ACP1: variants seen among roughly 807,000 people sequenced by gnomAD.
ACP1 encodes low molecular weight phosphotyrosine protein phosphatase.
ACP1 carries 23 observed loss-of-function variants against 23.4 expected under a neutral mutation model. The ratio of observed to expected loss-of-function variants is 0.98; its 90% CI spans 0.71 to 1.39. ACP1 has a LOEUF of 1.39. ACP1 is among the 40% of genes most tolerant of loss of function. The probability of loss-of-function intolerance (pLI) is 0.00; values close to 1 mark genes in which losing one functional copy is unlikely to be tolerated. For missense variants in ACP1, 180 were observed against 197.7 expected, an observed-to-expected ratio of 0.91 and a Z score of 0.54; for synonymous variants, 72 against 67.2, an observed-to-expected ratio of 1.07 and a Z score of -0.35.
chr2:267,314 C>T (rs941920763), intron 1 of ACP1, among the ~76,000 whole-genome samples: 2 of 152,234 alleles, frequency 1.3e-5, no homozygotes, highest in Non-Finnish European at 2.9e-5. Flanking sequence ...CCCAGCCTCT[C>T]TGGAGCTCAC....
Position 265,104 on chromosome 2 carries a change from G to A in ACP1, c.43+97G>A, listed in dbSNP as rs7588515. On this transcript the variant is annotated intron_variant, in intron 1 of 5. Transcript: ENST00000272065. ...TGTGCCGCCGGCCTAGGAACCATGA[G>A]GGGGAGGAGGCCAGGGACTGGGAGG... The A allele has an allele frequency of 8.5e-4, 1,258 of 1,484,124 alleles. 9 individuals are homozygous for A. The African/African-American group carries it at 0.015, about 18-fold the overall frequency. 91.9% of individuals were successfully genotyped at this position (1,484,124 alleles called of 1,614,324 possible). A position where few individuals can be genotyped will look rare whatever the true frequency, so the allele number is the denominator to read the frequency against.
Position 271,954 on chromosome 2 carries a change from T to C in ACP1, c.117+15T>C. On this transcript the variant is annotated intron_variant, in intron 2 of 5. Coordinates refer to ENST00000272065, the MANE Select transcript of ACP1 (RefSeq NM_004300.4). The stretch of plus-strand genomic sequence containing the variant: ...TCTCAGAGAATGTAAGTACCATTCA[T>C]TATCTTAAAGAGGCCAACCTGAACT... 1 of 1,611,606 alleles carries C rather than the reference T, an allele frequency of 6.2e-7. No individual in the cohort carries two copies. Among genetic ancestry groups the C allele is most frequent in the East Asian group, 2.2e-5 (1 of 44,838 alleles).
chr2:272,400 T>A (rs534396332), intron 3 of ACP1: 2 of 1,500,424 alleles, frequency 1.3e-6, no homozygotes, highest in Non-Finnish European at 1.8e-6. Context: ...ATGAATGTGT[T>A]TATTTAGGGT....
chr2:269,351 C>T (rs112071182), intron 1 of ACP1: 4 of 470,482 alleles, frequency 8.5e-6, no homozygotes, highest in African/African-American at 2.0e-5. Flanking sequence ...GAAAAAAGTA[C>T]GTAATATGCT....
rs1049862409 is a variant in ACP1, at chr2:278,083, C to T, written c.*779C>T. On this transcript the variant is annotated 3_prime_UTR_variant, in exon 6 of 6. Coordinates refer to ENST00000272065, the MANE Select transcript of ACP1 (RefSeq NM_004300.4). ...AACCCAAATGTCCAATATAAATTGGCTTATTTTTTAAAATAATTTTAAAAG... is the reference window on the plus strand; with the variant it reads ...AACCCAAATGTCCAATATAAATTGGTTTATTTTTTAAAATAATTTTAAAAG... 3.3e-5 allele frequency: 5 copies of T among 152,106 alleles called. No homozygotes were observed. The highest frequency in any genetic ancestry group is 3.2e-3 in the Middle Eastern group (1 of 316). 9.4% of individuals were successfully genotyped at this position (152,106 alleles called of 1,614,324 possible). A position where few individuals can be genotyped will look rare whatever the true frequency, so the allele number is the denominator to read the frequency against.
chr2:269,494 T>C (rs1043508102), intron 1 of ACP1: 4 of 360,150 alleles, frequency 1.1e-5, no homozygotes, highest in African/African-American at 6.5e-5. Context: ...AAGACCCTAA[T>C]AGTGATAAAG....
chr2:268,452 G>A lies in ACP1; in HGVS notation c.44-3414G>A, dbSNP rs147907430. 7.9e-4 allele frequency among the ~76,000 whole-genome samples: 121 copies of A among 152,368 alleles called. No individual in the cohort carries two copies. The East Asian group carries it at 9.4e-3, about 12-fold the overall frequency. ...AGCACAATTATGAAGGGTGCTTTAT[G>A]TTTTTGCAATAGAGACTTATTAGTG... On this transcript the variant is annotated intron_variant, in intron 1 of 5. Transcript: ENST00000272065.
chr2:274,723 A>G (rs1350925508), intron 3 of ACP1: 2 of 152,456 alleles, frequency 1.3e-5, no homozygotes, highest in African/African-American at 4.8e-5. Context: ...GCTCCATGGG[A>G]CGCGGCTCTG....
chr2:266,619 C>T (rs975664406), intron 1 of ACP1, among the ~76,000 whole-genome samples: 3 of 152,218 alleles, frequency 2.0e-5, no homozygotes, highest in African/African-American at 7.2e-5. Flanking sequence ...CTGCTCGTTT[C>T]TTACACCCAC....
At chr2:269,006 A>G (rs903015300) in intron 1 of ACP1, among the ~76,000 whole-genome samples, 1 of 152,222 alleles carries the variant, frequency 6.6e-6, no homozygotes, top group African/African-American at 2.4e-5. Flanking sequence ...AGTCTTTATT[A>G]TATTTTTAGA....
At chr2:273,058 A>C (rs189228494) in intron 3 of ACP1, 309 of 154,572 alleles carry the variant, frequency 2.0e-3, no homozygotes, top group Admixed American at 5.0e-3. Context: ...CAAGGGGCTC[A>C]TGGGGCTGTG....
rs776078992 is a variant in ACP1 at position 277,429 on chromosome 2, TTTC to T, written c.*128_*130del. 3.8e-6 allele frequency: 3 copies of T among 792,768 alleles called. No homozygotes were observed. Among genetic ancestry groups the T allele is most frequent in the Non-Finnish European group, 6.5e-6 (3 of 462,090 alleles). 49.1% of individuals were successfully genotyped at this position (792,768 alleles called of 1,614,324 possible). A position where few individuals can be genotyped will look rare whatever the true frequency, so the allele number is the denominator to read the frequency against. ...AGCTCTTTGTTCAGTTGACTTACTG[TTTC>T]TTACCTTAAAAAGTAATTGTAGATG... On this transcript the variant is annotated 3_prime_UTR_variant, in exon 6 of 6. Coordinates refer to ENST00000272065, the MANE Select transcript of ACP1 (RefSeq NM_004300.4).
At chr2:265,880 G>A (rs1480533154) in intron 1 of ACP1, among the ~76,000 whole-genome samples, 2 of 152,104 alleles carry the variant, frequency 1.3e-5, no homozygotes, top group African/African-American at 4.8e-5. Flanking sequence ...TTCGTTGTTC[G>A]GTAGCACTTC....
At chr2:270,828 A>G (rs568163385) in intron 1 of ACP1, among the ~76,000 whole-genome samples, 2 of 144,660 alleles carry the variant, frequency 1.4e-5, no homozygotes, top group South Asian at 2.3e-4. Context: ...AATGTGCCCT[A>G]TAGGTCACTT....
At chr2:268,318 G>A (rs1315017671) in intron 1 of ACP1, among the ~76,000 whole-genome samples, 4 of 152,200 alleles carry the variant, frequency 2.6e-5, no homozygotes, top group African/African-American at 9.7e-5. Flanking sequence ...AAAAAACTTT[G>A]TTCATTCAAA....
chr2:272,002 A>G (rs573992613), intron 2 of ACP1, 35 bp from the exon 3 acceptor site: 2 of 1,594,628 alleles, frequency 1.3e-6, no homozygotes, highest in Admixed American at 1.7e-5. Flanking sequence ...AAATTGCAAA[A>G]AAAAAAAAAA....
intron 1 of ACP1, chr2:269,212 G>T (rs1004035921): frequency 5.0e-5 from 21 of 421,052 alleles, no homozygotes; most frequent in Non-Finnish European, 9.3e-5. Context: ...ACAAAATTTA[G>T]AATGTCGAAA....
At chr2:268,293 A>G (rs55946380) in intron 1 of ACP1, among the ~76,000 whole-genome samples, 44,145 of 152,152 alleles carry the variant, frequency 0.29, 6,811 homozygotes, top group Non-Finnish European at 0.35. Context: ...TAAGAGTTGT[A>G]TGCTTTTGAA....
chr2:268,325 C>G (rs1456886695), intron 1 of ACP1, among the ~76,000 whole-genome samples: 1 of 152,192 alleles, frequency 6.6e-6, no homozygotes, highest in Non-Finnish European at 1.5e-5. Flanking sequence ...TTTGTTCATT[C>G]AAAGCATTTG....
Sources: allele counts gnomAD v4.1 joint callset (sites outside exome capture counted in the v4.1 genomes callset), GRCh38; gene constraint gnomAD v4.1.1; transcripts MANE v1.5; gene names NCBI Gene and HGNC (gene_info 2026-07-23, HGNC 2026-07-21).